The following KIAA0930 variants were observed in gnomAD, a reference collection of about 807,000 sequenced individuals.
The protein encoded by KIAA0930 is uncharacterized protein KIAA0930.
A neutral mutation model predicts 43.9 loss-of-function variants in KIAA0930; 24 were observed. The ratio of observed to expected loss-of-function variants is 0.55; its 90% confidence interval spans 0.40 to 0.77. KIAA0930 has a LOEUF of 0.77. Ranked by LOEUF, KIAA0930 falls within the 30% of genes least tolerant of loss-of-function variation. The probability of loss-of-function intolerance (pLI) is 0.00; values close to 1 mark genes in which losing one functional copy is unlikely to be tolerated. For missense variants in KIAA0930, 461 were observed against 574.2 expected (o/e 0.80, Z 2.02); for synonymous variants, 259 against 216.4 (o/e 1.20, Z -1.73).
chr22:45,218,919 G>A (rs565993536), intron 1 of KIAA0930, among the ~76,000 whole-genome samples: 7 of 152,300 alleles, frequency 4.6e-5, no homozygotes, highest in South Asian at 2.1e-4. Context: ...CTAAGAACCC[G>A]TGAAAGAACT....
At chr22:45,223,747 C>A (rs541123416) in intron 1 of KIAA0930, among the ~76,000 whole-genome samples, 1 of 150,366 alleles carries the variant, frequency 6.7e-6, no homozygotes, top group South Asian at 2.1e-4. Flanking sequence ...AGGGTCAGCA[C>A]TGAGACAGCA....
chr22:45,238,368 C>T (rs1246590190), intron 1 of KIAA0930, among the ~76,000 whole-genome samples: 1 of 152,212 alleles, frequency 6.6e-6, no homozygotes, highest in Non-Finnish European at 1.5e-5. Flanking sequence ...ATGCTGGGCA[C>T]CAAGATGAAT....
chr22:45,212,377 C>G (rs1185431455), intron 1 of KIAA0930: 1 of 1,589,282 alleles, frequency 6.3e-7, no homozygotes, highest in East Asian at 2.3e-5. Context: ...TGACTCCAGC[C>G]TGGGGATGAA....
intron 1 of KIAA0930, among the ~76,000 whole-genome samples, chr22:45,231,298 T>A (rs1439420473): frequency 6.6e-6 from 1 of 151,806 alleles, no homozygotes; most frequent in African/African-American, 2.4e-5. Flanking sequence ...TTATGAAGGC[T>A]CCTGTATCAT....
intron 1 of KIAA0930, among the ~76,000 whole-genome samples, chr22:45,220,148 A>C (rs1196338136): frequency 1.3e-5 from 2 of 152,128 alleles, no homozygotes; most frequent in African/African-American, 4.8e-5. Context: ...AGCAGAATTT[A>C]ACTGGGAATA....
intron 1 of KIAA0930, among the ~76,000 whole-genome samples, chr22:45,223,653 AAGCC>A (rs1266779215): frequency 2.1e-5 from 3 of 143,764 alleles, no homozygotes; most frequent in African/African-American, 8.3e-5. Flanking sequence ...GGTCAGCACT[AAGCC>A]AGCACCCAGG....
intron 1 of KIAA0930, among the ~76,000 whole-genome samples, chr22:45,216,736 G>A (rs1338061411): frequency 1.3e-5 from 2 of 152,092 alleles, no homozygotes; most frequent in East Asian, 1.9e-4. Context: ...TCTCCCTACC[G>A]TCTTGCCAGT....
intron 2 of KIAA0930, among the ~76,000 whole-genome samples, chr22:45,206,502 C>T (rs1430323384): frequency 6.6e-6 from 1 of 152,180 alleles, no homozygotes; most frequent in Non-Finnish European, 1.5e-5. Context: ...AATAGTGACA[C>T]CTACTGAGCT....
chr22:45,231,223 G>GAAA (rs529570003), intron 1 of KIAA0930, among the ~76,000 whole-genome samples: 1 of 47,438 alleles, frequency 2.1e-5, no homozygotes, highest in Non-Finnish European at 6.0e-5. Context: ...CTCCGTCTCA[G>GAAA]AAAAAAAAAA....
At chr22:45,233,148 GCCA>G (rs1027620834) in intron 1 of KIAA0930, among the ~76,000 whole-genome samples, 4 of 152,052 alleles carry the variant, frequency 2.6e-5, no homozygotes, top group African/African-American at 7.2e-5. Context: ...CAGCCCAGTG[GCCA>G]CCAACTCAGG....
Position 45,205,252 on chromosome 22 carries a change from G to T in KIAA0930, c.481C>A (p.Pro161Thr). The stretch of plus-strand genomic sequence containing the variant: ...CTGTCAATCATGAAGAAGATGTTGG[G>T]GTAGCTGATCTTGGACTCCTCCCCC... ...SKGEESKISYPNIFFMIDSFE... is the reference protein window; with the variant it reads ...SKGEESKISYTNIFFMIDSFE... The change falls in exon 5 of 10, where the codon CCC (proline) becomes ACC (threonine). Residue 161 changes from proline to threonine, a missense_variant. Coordinates refer to ENST00000336156, the MANE Select transcript of KIAA0930 (RefSeq NM_001009880.2). The T allele has an allele frequency of 6.2e-7, 1 of 1,614,138 alleles. No homozygotes were observed. The highest frequency in any genetic ancestry group is 8.5e-7 in the Non-Finnish European group (1 of 1,179,992).
intron 4 of KIAA0930, 73 bp downstream of exon 4, chr22:45,205,557 G>A (rs2083629118): frequency 1.4e-6 from 2 of 1,409,102 alleles, no homozygotes; most frequent in South Asian, 2.3e-5. Flanking sequence ...CAAGCAGGAG[G>A]ACTTGTCTCT....
Position 45,194,998 on chromosome 22 carries a change from C to G in KIAA0930, c.*2178G>C, listed in dbSNP as rs571299459. The G allele has an allele frequency of 6.6e-5, 10 of 152,330 alleles. No individual in the cohort carries two copies. Among genetic ancestry groups the G allele is most frequent in the African/African-American group, 2.4e-4 (10 of 41,572 alleles). 9.4% of individuals were successfully genotyped at this position (152,330 alleles called of 1,614,324 possible). A position where few individuals can be genotyped will look rare whatever the true frequency, so the allele number is the denominator to read the frequency against. On this transcript the variant is annotated 3_prime_UTR_variant, in exon 10 of 10. Transcript: ENST00000336156. ...GTGTGTCGGCTATGAAACCACCAGC[C>G]CACCGCGTGCCCTGTTCACATGCCT...
chr22:45,199,984 A>C lies in KIAA0930; in HGVS notation c.904T>G (p.Phe302Val), dbSNP rs1261835917. Residue 302 changes from phenylalanine (F) to valine (V), a missense_variant, in exon 8 of 10, where the codon TTC becomes GTC. By Grantham distance (50) the Phe-to-Val change is conservative. Coordinates refer to ENST00000336156, the MANE Select transcript of KIAA0930 (RefSeq NM_001009880.2). ...PTPERNNRPAFFSPSLKRKVP... is the reference protein window; with the variant it reads ...PTPERNNRPAVFSPSLKRKVP... ...TTCCTCTTGAGGGATGGGGAGAAGA[A>C]GGCAGGCCGGTTGTTCCGTTCTGGG... 6.2e-7 allele frequency: 1 copy of C among 1,608,746 alleles called. No homozygotes were observed. Among genetic ancestry groups the C allele is most frequent in the Non-Finnish European group, 8.5e-7 (1 of 1,177,384 alleles).
rs1421474603 is a variant in KIAA0930, at chr22:45,194,514, C to A, written c.*2662G>T. 6.6e-6 allele frequency: 1 copy of A among 152,334 alleles called. No individual in the cohort carries two copies. Among genetic ancestry groups the A allele is most frequent in the East Asian group, 1.9e-4 (1 of 5,178 alleles). 9.4% of individuals were successfully genotyped at this position (152,334 alleles called of 1,614,324 possible). On this transcript the variant is annotated 3_prime_UTR_variant, in exon 10 of 10. Coordinates refer to ENST00000336156, the MANE Select transcript of KIAA0930 (RefSeq NM_001009880.2). ...ATGCATTAGTCTTCCCCGCATTACA[C>A]AAAAGGCAGGTGTGTTCCCAGAAAA...
chr22:45,209,322 G>GC (rs1218704231), intron 2 of KIAA0930, among the ~76,000 whole-genome samples: 1 of 52,948 alleles, frequency 1.9e-5, no homozygotes, highest in African/African-American at 1.8e-4. Context: ...CTTTTGCCAG[G>GC]GGGGGTCTCC....
At chr22:45,208,869 C>T (rs1443836156) in intron 2 of KIAA0930, among the ~76,000 whole-genome samples, 2 of 152,190 alleles carry the variant, frequency 1.3e-5, no homozygotes, top group African/African-American at 2.4e-5. Flanking sequence ...TGAAGGTGAT[C>T]GGCACCTTAG....
intron 1 of KIAA0930, among the ~76,000 whole-genome samples, chr22:45,222,963 C>T (rs1439653882): frequency 6.6e-6 from 1 of 152,154 alleles, no homozygotes; most frequent in Admixed American, 6.6e-5. Context: ...GAAACAGGGA[C>T]TTTATATCCT....
chr22:45,228,650 T>G (rs2083818141), intron 1 of KIAA0930, among the ~76,000 whole-genome samples: 1 of 151,134 alleles, frequency 6.6e-6, no homozygotes, highest in Non-Finnish European at 1.5e-5. Flanking sequence ...CAAGGGCCAG[T>G]TCCCCAACAA....
Sources: gnomAD v4.1 joint callset for allele counts (sites outside exome capture counted in the v4.1 genomes callset) on GRCh38, gnomAD v4.1.1 for gene constraint, MANE v1.5 for transcripts, NCBI Gene and HGNC (gene_info 2026-07-23, HGNC 2026-07-21) for gene names.